Variants in VWA5A observed in about 807,000 individuals in gnomAD.
VWA5A encodes the protein von Willebrand factor A domain containing 5A, also known as von Willebrand factor A domain-containing protein 5A.
In VWA5A, 77 loss-of-function variants were observed where a neutral mutation model predicts 84.6. The observed-to-expected ratio is 0.91, with a 90% CI of 0.76 to 1.10. The LOEUF (loss-of-function observed/expected upper bound fraction) is 1.10, where lower values mean the gene tolerates loss of function less well. Ranked by LOEUF, VWA5A falls within the 50% of genes least tolerant of loss-of-function variation. The pLI, the probability that VWA5A is intolerant of heterozygous loss-of-function variation, is 0.00. For missense variants in VWA5A, 973 were observed against 963.0 expected (o/e 1.01, Z -0.14); for synonymous variants, 334 against 350.1 (o/e 0.95, Z 0.51).
chr11:124,118,552 C>T lies in VWA5A; in HGVS notation c.489C>T (p.Cys163=), dbSNP rs532348714. 28 of 1,614,108 alleles carry T rather than the reference C, an allele frequency of 1.7e-5. No individual in the cohort carries two copies. The highest frequency in any genetic ancestry group is 2.2e-5 in the Non-Finnish European group (26 of 1,180,022). Residue 163 remains cysteine (C), a synonymous_variant, in exon 6 of 19, where the codon TGC becomes TGT. Coordinates refer to ENST00000456829, the MANE Select transcript of VWA5A (RefSeq NM_001130142.2). ...YQFSGSSKDS[C]LNVKTPIVPV... is the part of the protein sequence containing the mutation. Reference sequence around the variant, plus strand: ...TTATAGGGTCGTCTAAGGACAGTTGCCTTAATGTGAAGACTCCTATAGTCC... The same window carrying T: ...TTATAGGGTCGTCTAAGGACAGTTGTCTTAATGTGAAGACTCCTATAGTCC...
chr11:124,132,512 A>G (rs1184299525), intron 11 of VWA5A, among the ~76,000 whole-genome samples: 1 of 152,082 alleles, frequency 6.6e-6, no homozygotes, highest in Non-Finnish European at 1.5e-5. Context: ...AAAAGTTTGT[A>G]TATTTTATTG....
In VWA5A at chr11:124,123,925, T is replaced by C. The variant is rs1864976111; in HGVS notation, c.1164+121T>C. The stretch of plus-strand genomic sequence containing the variant: ...TTGCAATTCACAGTCTTCTATCATA[T>C]AGTAAACAGAAAAAAAAAAGATGAT... On this transcript the variant is annotated intron_variant, in intron 10 of 18. Coordinates refer to ENST00000456829, the MANE Select transcript of VWA5A (RefSeq NM_001130142.2). The C allele has an allele frequency of 4.5e-6, 6 of 1,341,402 alleles. No homozygotes were observed. In the African/African-American group the frequency reaches 5.9e-5, roughly 13 times the overall value. 83.1% of individuals were successfully genotyped at this position (1,341,402 alleles called of 1,614,324 possible).
intron 11 of VWA5A, among the ~76,000 whole-genome samples, chr11:124,134,226 G>A (rs544030619): frequency 5.9e-4 from 90 of 152,296 alleles, no homozygotes; most frequent in Non-Finnish European, 1.2e-3. Flanking sequence ...TCCTAATGCT[G>A]ATGCCACTAG....
intron 18 of VWA5A, 32 bp downstream of exon 18, chr11:124,145,395 C>A: frequency 6.3e-7 from 1 of 1,580,848 alleles, no homozygotes; most frequent in Non-Finnish European, 8.6e-7. Context: ...CTGTCTCCTT[C>A]CCCTTCCCTG....
intron 11 of VWA5A, among the ~76,000 whole-genome samples, chr11:124,126,991 A>G (rs1865027501): frequency 2.0e-5 from 3 of 152,146 alleles, no homozygotes; most frequent in Non-Finnish European, 1.5e-5. Context: ...GAGATAACAC[A>G]TTATCTAAAT....
chr11:124,139,993 A>G (rs116751153), intron 15 of VWA5A, among the ~76,000 whole-genome samples: 1,582 of 152,086 alleles, frequency 0.01, 25 homozygotes, highest in African/African-American at 0.036. Context: ...TTTTGTTGAG[A>G]GTTTTTATCA....
At chr11:124,142,728 T>C (rs2137667066) in intron 17 of VWA5A, among the ~76,000 whole-genome samples, 156 bp downstream of exon 17, 1 of 152,306 alleles carries the variant, frequency 6.6e-6, no homozygotes, top group South Asian at 2.1e-4. Flanking sequence ...TTTCCAGTCA[T>C]GTTAGAGCAG....
chr11:124,123,841 A>T, intron 10 of VWA5A, 37 bp downstream of exon 10: 1 of 1,529,228 alleles, frequency 6.5e-7, no homozygotes, highest in Non-Finnish European at 8.7e-7. Context: ...AGAGACAGGA[A>T]GTGTGAAATC....
intron 10 of VWA5A, 122 bp from the exon 11 acceptor site, chr11:124,124,115 A>T: frequency 1.0e-6 from 1 of 982,334 alleles, no homozygotes; most frequent in South Asian, 1.5e-5. Flanking sequence ...TAGGGATTTC[A>T]TGCCTCTTTG....
chr11:124,128,569 T>A (rs780886201), intron 11 of VWA5A, among the ~76,000 whole-genome samples: 1 of 150,774 alleles, frequency 6.6e-6, no homozygotes, highest in Non-Finnish European at 1.5e-5. Context: ...GGTAGCTTGA[T>A]GGCAGTATGG....
intron 15 of VWA5A, among the ~76,000 whole-genome samples, chr11:124,137,748 C>CCCA (rs1416396839): frequency 6.6e-6 from 1 of 152,148 alleles, no homozygotes; most frequent in African/African-American, 2.4e-5. Context: ...TCTCCCTGAC[C>CCCA]CCACCTATCT....
At chr11:124,125,882 C>T (rs962377899) in intron 11 of VWA5A, among the ~76,000 whole-genome samples, 18 of 152,232 alleles carry the variant, frequency 1.2e-4, no homozygotes, top group African/African-American at 7.2e-5. Flanking sequence ...CAGTCTTTTC[C>T]TTTATGGTTA....
chr11:124,136,848 T>C (rs145466851), intron 14 of VWA5A, among the ~76,000 whole-genome samples, 167 bp from the exon 15 acceptor site: 1,838 of 150,542 alleles, frequency 0.012, 38 homozygotes, highest in African/African-American at 0.042. Context: ...GGCTCCATTG[T>C]AATTGTTTTC....
intron 12 of VWA5A, among the ~76,000 whole-genome samples, 181 bp from the exon 13 acceptor site, chr11:124,135,948 C>T (rs534597848): frequency 6.6e-6 from 1 of 152,308 alleles, no homozygotes; most frequent in African/African-American, 2.4e-5. Flanking sequence ...CTAAATATTT[C>T]AGCTTTGGCT....
Position 124,146,035 on chromosome 11 carries a change from T to C in VWA5A, c.*90T>C. ...GCTGTGATGATGTGTTCTTGTGTATTATAACTCTTTATTTTTTGCCATAAA... is the reference window on the plus strand; with the variant it reads ...GCTGTGATGATGTGTTCTTGTGTATCATAACTCTTTATTTTTTGCCATAAA... On this transcript the variant is annotated 3_prime_UTR_variant, in exon 19 of 19. Coordinates refer to ENST00000456829, the MANE Select transcript of VWA5A (RefSeq NM_001130142.2). 1.5e-6 allele frequency: 2 copies of C among 1,305,496 alleles called. No homozygotes were observed. Among genetic ancestry groups the C allele is most frequent in the South Asian group, 1.4e-5 (1 of 71,186 alleles). 80.9% of individuals were successfully genotyped at this position (1,305,496 alleles called of 1,614,324 possible).
chr11:124,138,724 C>T (rs189826849), intron 15 of VWA5A, among the ~76,000 whole-genome samples: 18 of 152,174 alleles, frequency 1.2e-4, no homozygotes, highest in Non-Finnish European at 2.1e-4. Flanking sequence ...ATATTTTCTC[C>T]CATTCCGTAG....
chr11:124,141,162 G>A (rs892464378), intron 15 of VWA5A, among the ~76,000 whole-genome samples: 2 of 152,180 alleles, frequency 1.3e-5, no homozygotes, highest in Non-Finnish European at 2.9e-5. Flanking sequence ...CAATAGTGAC[G>A]ACATGTGGAA....
chr11:124,143,263 A>G (rs1425294176), intron 17 of VWA5A, among the ~76,000 whole-genome samples: 2 of 152,252 alleles, frequency 1.3e-5, no homozygotes, highest in Non-Finnish European at 2.9e-5. Flanking sequence ...CAGAATTTCA[A>G]GGTAACTTAC....
chr11:124,145,399 T>G, intron 18 of VWA5A, 36 bp downstream of exon 18: 1 of 1,572,656 alleles, frequency 6.4e-7, no homozygotes, highest in Non-Finnish European at 8.6e-7. Context: ...CTCCTTCCCC[T>G]TCCCTGGCCT....
Sources: allele counts gnomAD v4.1 joint callset (sites outside exome capture counted in the v4.1 genomes callset), GRCh38; gene constraint gnomAD v4.1.1; transcripts MANE v1.5; gene names NCBI Gene and HGNC (gene_info 2026-07-23, HGNC 2026-07-21).